NFIB: variants seen among roughly 807,000 people sequenced by gnomAD.
The protein encoded by NFIB is nuclear factor 1 B-type.
Under a neutral mutation model 61.5 loss-of-function variants are expected in NFIB, and 11 were observed. The ratio of observed to expected loss-of-function variants is 0.18; its 90% CI spans 0.11 to 0.30. The LOEUF (loss-of-function observed/expected upper bound fraction) is 0.30, where lower values mean the gene tolerates loss of function less well. NFIB is among the 10% of genes least tolerant of loss of function. The pLI is 1.00. For synonymous variants in NFIB, 260 were observed against 216.5 expected (o/e 1.20, Z -1.76); for missense variants, 471 against 608.9 (o/e 0.77, Z 2.38).
chr9:14,232,370 C>A (rs990957735), intron 2 of NFIB, among the ~76,000 whole-genome samples: 10 of 152,344 alleles, frequency 6.6e-5, no homozygotes, highest in African/African-American at 2.2e-4. Context: ...GGGCTTAACT[C>A]CGTGTGTGCC....
intron 2 of NFIB, among the ~76,000 whole-genome samples, chr9:14,234,234 C>A (rs1732252371): frequency 1.3e-5 from 2 of 152,092 alleles, no homozygotes; most frequent in Admixed American, 1.3e-4. Flanking sequence ...GATCACAAAC[C>A]CATCTGCAAC....
intron 6 of NFIB, among the ~76,000 whole-genome samples, chr9:14,134,913 A>AAAAAAAAAAAAAAAAAAAAAAAAAAG (rs1011872669): frequency 2.2e-5 from 3 of 133,384 alleles, no homozygotes; most frequent in African/African-American, 5.2e-5. Flanking sequence ...AAAAAAAAAA[A>AAAAAAAAAAAAAAAAAAAAAAAAAAG]AAAAAAAGGA....
chr9:14,273,645 T>A (rs1444340939), intron 2 of NFIB, among the ~76,000 whole-genome samples: 1 of 152,178 alleles, frequency 6.6e-6, no homozygotes, highest in East Asian at 1.9e-4. Flanking sequence ...AGTATTATTG[T>A]CAGTGTGACT....
rs79784999 is a variant in NFIB, at chr9:14,208,503, T to A, written c.563-28723A>T. ...TAAAAACAGACGTGACTTAAGTTTT[T>A]ATTTTACTACTTTGAAGTTGTAATG... On this transcript the variant is annotated intron_variant, in intron 2 of 10. Coordinates refer to ENST00000380953, the MANE Select transcript of NFIB (RefSeq NM_001190737.2). 4.6e-3 allele frequency among the ~76,000 whole-genome samples: 697 copies of A among 152,236 alleles called. 8 individuals are homozygous for A. Among genetic ancestry groups the A allele is most frequent in the African/African-American group, 0.016 (668 of 41,554 alleles).
chr9:14,456,342 C>A, the NFIB span, among the ~76,000 whole-genome samples: 2 of 151,868 alleles, frequency 1.3e-5, no homozygotes, highest in South Asian at 2.1e-4. Context: ...TGGTTAAATT[C>A]AACTACTTAA....
At chr9:14,276,594 C>T (rs951432244) in intron 2 of NFIB, among the ~76,000 whole-genome samples, 5 of 152,060 alleles carry the variant, frequency 3.3e-5, no homozygotes, top group East Asian at 1.9e-4. Flanking sequence ...ATGTGAAATA[C>T]TGGGTAACTT....
intron 2 of NFIB, among the ~76,000 whole-genome samples, chr9:14,282,831 T>G (rs1332468379): frequency 6.6e-5 from 10 of 152,188 alleles, no homozygotes. Context: ...GTTCAAATAC[T>G]TGTTCCTCCT....
chr9:14,240,889 G>A (rs2054275080), intron 2 of NFIB, among the ~76,000 whole-genome samples: 1 of 152,144 alleles, frequency 6.6e-6, no homozygotes, highest in Non-Finnish European at 1.5e-5. Context: ...AGTAGCATTG[G>A]CAAGTGACAG....
At chr9:14,220,805 G>A (rs914034071) in intron 2 of NFIB, among the ~76,000 whole-genome samples, 3 of 144,422 alleles carry the variant, frequency 2.1e-5, no homozygotes, top group Admixed American at 7.0e-5. Context: ...TCCACCACCC[G>A]AAGTTTCTGC....
At chr9:14,378,881 T>C (rs968619010) in intron 1 of NFIB, among the ~76,000 whole-genome samples, 1 of 152,004 alleles carries the variant, frequency 6.6e-6, no homozygotes, top group Non-Finnish European at 1.5e-5. Flanking sequence ...CAGCAGCACC[T>C]TGTACTTCTG....
chr9:14,219,730 TG>T (rs1397246527), intron 2 of NFIB, among the ~76,000 whole-genome samples: 1 of 152,184 alleles, frequency 6.6e-6, no homozygotes, highest in Non-Finnish European at 1.5e-5. Flanking sequence ...AAAGAAAGCT[TG>T]AGCAAATAAT....
chr9:14,473,911 C>T, the NFIB span, among the ~76,000 whole-genome samples: 1 of 152,162 alleles, frequency 6.6e-6, no homozygotes, highest in Non-Finnish European at 1.5e-5. Context: ...TTCACCATCA[C>T]CTCCTAAGTA....
the NFIB span, among the ~76,000 whole-genome samples, chr9:14,500,982 G>A: frequency 1.3e-5 from 2 of 152,212 alleles, no homozygotes; most frequent in African/African-American, 4.8e-5. Flanking sequence ...TCTCCTAGTC[G>A]TGCCAATTGT....
chr9:14,167,063 A>G (rs1422631969), intron 3 of NFIB, among the ~76,000 whole-genome samples: 2 of 102,566 alleles, frequency 1.9e-5, no homozygotes, highest in Non-Finnish European at 3.7e-5. Context: ...CACCAAGGGC[A>G]TATTGTTGTG....
At chr9:14,478,012 A>G in the NFIB span, among the ~76,000 whole-genome samples, 2 of 152,076 alleles carry the variant, frequency 1.3e-5, no homozygotes, top group South Asian at 4.1e-4. Flanking sequence ...CAAGATTTCT[A>G]CATATTTTCA....
At chr9:14,250,170 G>C (rs577782874) in intron 2 of NFIB, among the ~76,000 whole-genome samples, 17 of 152,188 alleles carry the variant, frequency 1.1e-4, no homozygotes, top group Non-Finnish European at 1.8e-4. Flanking sequence ...GGTCTTTTGA[G>C]TTTATGGCCT....
chr9:14,248,349 T>C, intron 2 of NFIB, among the ~76,000 whole-genome samples: 1 of 149,962 alleles, frequency 6.7e-6, no homozygotes, highest in Admixed American at 6.6e-5. Context: ...TTCCTTCCTG[T>C]AGCCTTGGTC....
the NFIB span, among the ~76,000 whole-genome samples, chr9:14,425,894 C>A: frequency 4.6e-5 from 7 of 152,214 alleles, no homozygotes; most frequent in East Asian, 1.4e-3. Flanking sequence ...AGTAGATGCT[C>A]TAGGGGGAAC....
At chr9:14,330,149 GAAAC>G (rs2060804320) in intron 1 of NFIB, among the ~76,000 whole-genome samples, 2 of 152,154 alleles carry the variant, frequency 1.3e-5, no homozygotes, top group African/African-American at 4.8e-5. Flanking sequence ...AGAAAACAAA[GAAAC>G]AAACAAACGA....
Sources: allele counts gnomAD v4.1 joint callset (sites outside exome capture counted in the v4.1 genomes callset), GRCh38; gene constraint gnomAD v4.1.1; transcripts MANE v1.5; gene names NCBI Gene and HGNC (gene_info 2026-07-23, HGNC 2026-07-21).